ONECUT2: variants seen among roughly 807,000 people sequenced by gnomAD.
ONECUT2 encodes the protein one cut domain family member 2.
In ONECUT2, 10 loss-of-function variants were observed where a neutral mutation model predicts 27.9. The observed-to-expected ratio is 0.36, with a 90% CI of 0.22 to 0.61. The LOEUF is 0.61. ONECUT2 is among the 20% of genes least tolerant of loss of function. The pLI is 0.73. For missense variants in ONECUT2, 686 were observed against 721.0 expected (o/e 0.95, Z 0.56); for synonymous variants, 334 against 315.1 (o/e 1.06, Z -0.64).
At chr18:57,453,005 G>A (rs955903349) in intron 1 of ONECUT2, among the ~76,000 whole-genome samples, 2 of 152,186 alleles carry the variant, frequency 1.3e-5, no homozygotes, top group Non-Finnish European at 2.9e-5. Context: ...TTAAACTTAG[G>A]TTCTACATCT....
At chr18:57,451,279 G>A (rs888881564) in intron 1 of ONECUT2, among the ~76,000 whole-genome samples, 8 of 152,196 alleles carry the variant, frequency 5.3e-5, no homozygotes, top group African/African-American at 1.7e-4. Context: ...GCCTTGAATT[G>A]AATGCATTGC....
chr18:57,473,849 C>T (rs1384725616), intron 1 of ONECUT2, among the ~76,000 whole-genome samples: 1 of 152,140 alleles, frequency 6.6e-6, no homozygotes, highest in African/African-American at 2.4e-5. Context: ...TGTGTGTTAC[C>T]ACCACACAGG....
In ONECUT2 at chr18:57,482,438, G is replaced by A. The variant is rs202133828; in HGVS notation, c.*5715G>A. ...CTCACACACCAAAATGACTCTGACAGCCTGAAGCAGTTATTGCTAGAGCCC... is the reference window on the plus strand; with the variant it reads ...CTCACACACCAAAATGACTCTGACAACCTGAAGCAGTTATTGCTAGAGCCC... On this transcript the variant is annotated 3_prime_UTR_variant, in exon 2 of 2. Transcript: ENST00000491143. 6.6e-6 allele frequency: 1 copy of A among 152,306 alleles called. No homozygotes were observed. Among genetic ancestry groups the A allele is most frequent in the East Asian group, 1.9e-4 (1 of 5,192 alleles). The allele number at this position is 152,306 out of a possible 1,614,324, so 9.4% of individuals were successfully genotyped here.
intron 1 of ONECUT2, among the ~76,000 whole-genome samples, chr18:57,461,996 A>C (rs2122131321): frequency 6.6e-6 from 1 of 152,382 alleles, no homozygotes; most frequent in African/African-American, 2.4e-5. Flanking sequence ...CATTGCAGAT[A>C]CTGCCAAACA....
At chr18:57,444,459 T>C (rs1158362001) in intron 1 of ONECUT2, 1 of 456,180 alleles carries the variant, frequency 2.2e-6, no homozygotes, top group Non-Finnish European at 4.4e-6. Context: ...TTAAGGGTGA[T>C]TGGCAGCCAT....
chr18:57,441,678 CAA>C (rs2050174962), intron 1 of ONECUT2, among the ~76,000 whole-genome samples: 1 of 152,278 alleles, frequency 6.6e-6, no homozygotes, highest in African/African-American at 2.4e-5. Flanking sequence ...TGACTAAGCC[CAA>C]GTTTGAAAAT....
Position 57,473,507 on chromosome 18 carries a change from C to T in ONECUT2, c.1229-2930C>T, listed in dbSNP as rs2050365405. Among the ~76,000 whole-genome samples, 3 of 152,220 alleles carry T rather than the reference C, an allele frequency of 2.0e-5. No homozygotes were observed. In the South Asian group the frequency reaches 6.2e-4, roughly 32 times the overall value. ...AGGCACAAAGAGGCTACGTAATTTG[C>T]AAGGCCCCAGGTCTTGGAGGTGTGG... On this transcript the variant is annotated intron_variant, in intron 1 of 1. Transcript: ENST00000491143.
rs1460807297 is a variant in ONECUT2, at chr18:57,487,307, G to C, written c.*10584G>C. The C allele has an allele frequency of 1.3e-5, 2 of 152,190 alleles. No individual in the cohort carries two copies. Among genetic ancestry groups the C allele is most frequent in the Admixed American group, 1.3e-4 (2 of 15,268 alleles). 9.4% of individuals were successfully genotyped at this position (152,190 alleles called of 1,614,324 possible). A position where few individuals can be genotyped will look rare whatever the true frequency, so the allele number is the denominator to read the frequency against. On this transcript the variant is annotated 3_prime_UTR_variant, in exon 2 of 2. Coordinates refer to ENST00000491143, the MANE Select transcript of ONECUT2 (RefSeq NM_004852.3). ...CCCAAATATATCACCGTATGTGAGA[G>C]GGATTTGAAAGCGAGTATTGAAAAA...
intron 1 of ONECUT2, among the ~76,000 whole-genome samples, chr18:57,458,334 G>A (rs2122125705): frequency 6.6e-6 from 1 of 152,334 alleles, no homozygotes; most frequent in Middle Eastern, 3.4e-3. Flanking sequence ...TACAAAGAGT[G>A]GGTCTGCCAA....
chr18:57,437,156 TCTTA>T (rs1202708389), intron 1 of ONECUT2, among the ~76,000 whole-genome samples: 1 of 152,020 alleles, frequency 6.6e-6, no homozygotes, highest in Non-Finnish European at 1.5e-5. Flanking sequence ...TCTTTTTCTT[TCTTA>T]CTCTCTCCTT....
chr18:57,458,143 T>C (rs1265240539), intron 1 of ONECUT2, among the ~76,000 whole-genome samples: 1 of 152,218 alleles, frequency 6.6e-6, no homozygotes, highest in Admixed American at 6.5e-5. Context: ...GTTCTGCCAC[T>C]CAAAGAGAAC....
Position 57,436,918 on chromosome 18 carries a change from A to G in ONECUT2, c.1202A>G (p.Gln401Arg), listed in dbSNP as rs765403737. 1.9e-6 allele frequency: 3 copies of G among 1,609,554 alleles called. No homozygotes were observed. In the African/African-American group the frequency reaches 4.0e-5, roughly 22 times the overall value. ...AAGTGGCTTCAGGAGCCCGAGTTCC[A>G]GCGCATGTCCGCCTTACGCCTGGCA... ...MWKWLQEPEFQRMSALRLAAC... is the reference protein window; with the variant it reads ...MWKWLQEPEFRRMSALRLAAC... Residue 401 changes from glutamine to arginine, a missense_variant, in exon 1 of 2, where the codon CAG becomes CGG. Transcript: ENST00000491143. This position sits in a 1 kb window ranked among gnomAD's most constrained non-coding sequence, Gnocchi z 5.9.
rs1405502096 is a variant in ONECUT2, at chr18:57,480,911, G to C, written c.*4188G>C. The C allele has an allele frequency of 1.3e-5, 2 of 152,100 alleles. No homozygotes were observed. The highest frequency in any genetic ancestry group is 4.8e-5 in the African/African-American group (2 of 41,404). 9.4% of individuals were successfully genotyped at this position (152,100 alleles called of 1,614,324 possible). A position where few individuals can be genotyped will look rare whatever the true frequency, so the allele number is the denominator to read the frequency against. On this transcript the variant is annotated 3_prime_UTR_variant, in exon 2 of 2. Coordinates refer to ENST00000491143, the MANE Select transcript of ONECUT2 (RefSeq NM_004852.3). Reference sequence around the variant, plus strand: ...TTTAGTATCCATTACCTCAATCCAAGGAAAATTCCAGGCATTCCTCAACCA... The same window carrying C: ...TTTAGTATCCATTACCTCAATCCAACGAAAATTCCAGGCATTCCTCAACCA...
intron 1 of ONECUT2, among the ~76,000 whole-genome samples, chr18:57,450,593 AG>A (rs1411144051): frequency 6.6e-6 from 1 of 152,262 alleles, no homozygotes; most frequent in Non-Finnish European, 1.5e-5. Context: ...ATAGAGAAAC[AG>A]GGCTTGTGAT....
In ONECUT2 at chr18:57,478,884, AG is replaced by A. The variant is rs2050400353; in HGVS notation, c.*2164del. 1 of 152,452 alleles carries A rather than the reference AG, an allele frequency of 6.6e-6. No individual in the cohort carries two copies. Among genetic ancestry groups the A allele is most frequent in the South Asian group, 2.1e-4 (1 of 4,822 alleles). 9.4% of individuals were successfully genotyped at this position (152,452 alleles called of 1,614,324 possible). ...ATGTTTCTCTGAGCAACAAAAGGAA[AG>A]GGCCATTTATTTGATTTTATTGTTT... On this transcript the variant is annotated 3_prime_UTR_variant, in exon 2 of 2. Coordinates refer to ENST00000491143, the MANE Select transcript of ONECUT2 (RefSeq NM_004852.3).
intron 1 of ONECUT2, among the ~76,000 whole-genome samples, chr18:57,441,368 C>T (rs2050173204): frequency 6.6e-6 from 1 of 152,256 alleles, no homozygotes; most frequent in South Asian, 2.1e-4. Context: ...GCCACGGCCC[C>T]GCGGTTTTCC....
At chr18:57,453,529 G>A (rs2050242259) in intron 1 of ONECUT2, among the ~76,000 whole-genome samples, 1 of 780 alleles carries the variant, frequency 1.3e-3, no homozygotes, top group African/African-American at 1.7e-3. Flanking sequence ...GGCGTCCTAC[G>A]AATCAATACC....
intron 1 of ONECUT2, among the ~76,000 whole-genome samples, chr18:57,473,997 T>C (rs998137580): frequency 2.0e-5 from 3 of 152,176 alleles, no homozygotes; most frequent in African/African-American, 7.2e-5. Flanking sequence ...GGGGAAGCGC[T>C]CCTCATCCAA....
Position 57,436,632 on chromosome 18 carries a change from C to T in ONECUT2, c.916C>T (p.Pro306Ser). ...CCCGGGCCACACTCAGTCTCACGGG[C>T]CGGTGCTGGCACCCAGTCGCGAGCG... ...HHPGHTQSHG[P>S]VLAPSRERPP... Residue 306 changes from proline (P) to serine (S), a missense_variant, in exon 1 of 2, where the codon CCG (proline) becomes TCG (serine). By Grantham distance (74) the Pro-to-Ser change is moderately conservative. Around this residue, in one of 4 missense-constraint regions of ONECUT2, gnomAD observed 511 missense variants for 488.1 expected, o/e 1.05. Transcript: ENST00000491143. This position sits in a 1 kb window ranked among gnomAD's most constrained non-coding sequence, Gnocchi z 5.9. 6.2e-7 allele frequency: 1 copy of T among 1,611,712 alleles called. No homozygotes were observed. The highest frequency in any genetic ancestry group is 8.5e-7 in the Non-Finnish European group (1 of 1,179,886).
Sources: allele counts gnomAD v4.1 joint callset (sites outside exome capture counted in the v4.1 genomes callset), GRCh38; gene constraint gnomAD v4.1.1; regional missense constraint gnomAD v4.1.1; non-coding constraint Gnocchi (gnomAD v3.1); transcripts MANE v1.5; gene names NCBI Gene and HGNC (gene_info 2026-07-23, HGNC 2026-07-21).